Variants in SLC44A5 observed in about 807,000 individuals in gnomAD.
SLC44A5 encodes solute carrier family 44 member 5.
SLC44A5 carries 57 observed loss-of-function variants against 101.8 expected under a neutral mutation model. The ratio of observed to expected loss-of-function variants is 0.56; its 90% confidence interval spans 0.45 to 0.70. The LOEUF is 0.70. SLC44A5 is among the 30% of genes least tolerant of loss of function. The pLI is 0.00. For synonymous variants in SLC44A5, 281 were observed against 290.9 expected (o/e 0.97, Z 0.35); for missense variants, 737 against 853.1 (o/e 0.86, Z 1.70).
At chr1:75,494,390 C>T (rs778782598) in intron 2 of SLC44A5, among the ~76,000 whole-genome samples, 1 of 152,196 alleles carries the variant, frequency 6.6e-6, no homozygotes, top group East Asian at 1.9e-4. Context: ...ACACATGTAG[C>T]ACCCAACTCT....
intron 3 of SLC44A5, among the ~76,000 whole-genome samples, chr1:75,373,908 G>T (rs1308474969): frequency 6.6e-6 from 1 of 152,256 alleles, no homozygotes; most frequent in South Asian, 2.1e-4. Flanking sequence ...TGAGATCTGT[G>T]GCCTGAGCTC....
At chr1:75,470,169 A>T (rs1007215133) in intron 2 of SLC44A5, among the ~76,000 whole-genome samples, 4 of 152,184 alleles carry the variant, frequency 2.6e-5, no homozygotes, top group African/African-American at 9.6e-5. Context: ...TTTCAAACCA[A>T]TCAATCCTCA....
the SLC44A5 span, among the ~76,000 whole-genome samples, chr1:75,689,707 ACATAATTT>A: frequency 2.6e-5 from 4 of 152,250 alleles, no homozygotes; most frequent in Non-Finnish European, 5.9e-5. Context: ...CTACCTGGCT[ACATAATTT>A]CAATAACCCC....
intron 2 of SLC44A5, among the ~76,000 whole-genome samples, chr1:75,460,737 T>C (rs1472806806): frequency 6.6e-6 from 1 of 152,150 alleles, no homozygotes; most frequent in Non-Finnish European, 1.5e-5. Flanking sequence ...ACTGATATTA[T>C]TGCTATTTTT....
At chr1:75,693,025 A>G in the SLC44A5 span, among the ~76,000 whole-genome samples, 1 of 152,358 alleles carries the variant, frequency 6.6e-6, no homozygotes, top group East Asian at 1.9e-4. Context: ...AATCTAAATC[A>G]TTCAAGGAGC....
intron 1 of SLC44A5, among the ~76,000 whole-genome samples, chr1:75,591,310 CAAAT>C (rs1674338436): frequency 6.6e-6 from 1 of 152,014 alleles, no homozygotes; most frequent in African/African-American, 2.4e-5. Flanking sequence ...AATAGGAAAA[CAAAT>C]AACAAATGGC....
intron 4 of SLC44A5, 87 bp downstream of exon 4, chr1:75,339,495 A>G: frequency 9.7e-7 from 1 of 1,035,408 alleles, no homozygotes; most frequent in Non-Finnish European, 1.4e-6. Context: ...ACAATTCTCC[A>G]CTGACTGGAA....
intron 5 of SLC44A5, among the ~76,000 whole-genome samples, chr1:75,280,474 A>AT (rs1337914746): frequency 9.6e-6 from 1 of 104,450 alleles, no homozygotes; most frequent in Non-Finnish European, 1.8e-5. Context: ...TATAATATAT[A>AT]ATTGTATATA....
intron 3 of SLC44A5, among the ~76,000 whole-genome samples, chr1:75,361,664 G>A (rs941065110): frequency 2.0e-4 from 31 of 152,018 alleles, no homozygotes; most frequent in African/African-American, 7.2e-4. Context: ...ATTTGCATAT[G>A]TTGAATCATC....
intron 3 of SLC44A5, among the ~76,000 whole-genome samples, chr1:75,388,118 G>A (rs1434954527): frequency 5.8e-5 from 8 of 138,954 alleles, no homozygotes; most frequent in African/African-American, 1.9e-4. Context: ...GCTAGATGAC[G>A]AGTTAGTGGG....
At chr1:75,519,113 T>C (rs890255587) in intron 2 of SLC44A5, among the ~76,000 whole-genome samples, 2 of 152,232 alleles carry the variant, frequency 1.3e-5, no homozygotes, top group African/African-American at 2.4e-5. Context: ...TTTGGTGTTA[T>C]AACTCTGAAT....
chr1:75,256,129 G>T (rs1181256380), intron 6 of SLC44A5, among the ~76,000 whole-genome samples: 1 of 152,090 alleles, frequency 6.6e-6, no homozygotes, highest in African/African-American at 2.4e-5. Flanking sequence ...AAATTAAAAA[G>T]TTAACTGGGC....
At chr1:75,617,889 G>T in the SLC44A5 span, among the ~76,000 whole-genome samples, 1 of 152,092 alleles carries the variant, frequency 6.6e-6, no homozygotes, top group South Asian at 2.1e-4. Context: ...GCCTATATTA[G>T]AATAATGTTT....
chr1:75,558,045 T>C lies in SLC44A5; in HGVS notation c.-69-16529A>G, dbSNP rs542366492. Among the ~76,000 whole-genome samples, 27 of 152,230 alleles carry C rather than the reference T, an allele frequency of 1.8e-4. 1 individual carries two copies. The South Asian group carries it at 4.1e-3, about 23-fold the overall frequency. ...GTTCAGAAATAAAGCATAGTAACTA[T>C]ACTATAAAAGATCACAATCTAATGA... On this transcript the variant is annotated intron_variant, in intron 1 of 23. Transcript: ENST00000370859.
At chr1:75,621,495 T>G in the SLC44A5 span, among the ~76,000 whole-genome samples, 9 of 152,256 alleles carry the variant, frequency 5.9e-5, no homozygotes, top group South Asian at 1.7e-3. Context: ...AAAGCATGAT[T>G]GCCATGAATG....
upstream of SLC44A5, among the ~76,000 whole-genome samples, chr1:75,615,180 C>A (rs1444067253): frequency 1.3e-5 from 2 of 152,016 alleles, no homozygotes; most frequent in Non-Finnish European, 2.9e-5. Context: ...ACTGCTTAGC[C>A]GGAGCCACTG....
At chr1:75,541,604 C>T in intron 1 of SLC44A5, 88 bp from the exon 2 acceptor site, 1 of 770,530 alleles carries the variant, frequency 1.3e-6, no homozygotes, top group African/African-American at 1.8e-5. Flanking sequence ...GCTCTCATAA[C>T]TTACTATAAT....
intron 1 of SLC44A5, among the ~76,000 whole-genome samples, chr1:75,597,960 G>A (rs967524208): frequency 1.3e-5 from 2 of 152,082 alleles, no homozygotes; most frequent in Non-Finnish European, 2.9e-5. Context: ...TTAAACTAAA[G>A]AGCTTCTGCA....
rs918712462 is a variant in SLC44A5, at chr1:75,215,922, T to C, written c.1625-65A>G. 5 of 844,034 alleles carry C rather than the reference T, an allele frequency of 5.9e-6. No individual in the cohort carries two copies. In the African/African-American group the frequency reaches 6.9e-5, roughly 12 times the overall value. The allele number at this position is 844,034 out of a possible 1,614,324, so 52.3% of individuals were successfully genotyped here. A position where few individuals can be genotyped will look rare whatever the true frequency, so the allele number is the denominator to read the frequency against. On this transcript the variant is annotated intron_variant, in intron 18 of 23. Coordinates refer to ENST00000370859, the MANE Select transcript of SLC44A5 (RefSeq NM_001130058.2). ...GCTGAACCTTATCAGTCAAAATAAA[T>C]ATAATACAACATTTAAAATGAGATT...
Sources: gnomAD v4.1 joint callset for allele counts (sites outside exome capture counted in the v4.1 genomes callset) on GRCh38, gnomAD v4.1.1 for gene constraint, MANE v1.5 for transcripts, NCBI Gene and HGNC (gene_info 2026-07-23, HGNC 2026-07-21) for gene names.